CPEB3: variants seen among roughly 807,000 people sequenced by gnomAD.
CPEB3 encodes the protein cytoplasmic polyadenylation element-binding protein 3.
CPEB3 carries 20 observed loss-of-function variants against 67.2 expected under a neutral mutation model. The ratio of observed to expected loss-of-function variants is 0.30; its 90% CI spans 0.21 to 0.43. The LOEUF (loss-of-function observed/expected upper bound fraction) is 0.43. Ranked by LOEUF, CPEB3 falls within the 20% of genes least tolerant of loss-of-function variation. CPEB3 has a pLI of 1.00. For missense variants in CPEB3, 746 were observed against 968.6 expected, an observed-to-expected ratio of 0.77 and a Z score of 3.05; for synonymous variants, 376 against 393.1, an observed-to-expected ratio of 0.96 and a Z score of 0.51.
In CPEB3 at chr10:92,203,341, T is replaced by G. The variant is rs943304670; in HGVS notation, c.1006-10705A>C. Among the ~76,000 whole-genome samples, 9 of 146,326 alleles carry G rather than the reference T, an allele frequency of 6.2e-5. No homozygotes were observed. In the Admixed American group the frequency reaches 6.3e-4, roughly 10 times the overall value. ...TAGGTACAAGACATAAGAGATGATA[T>G]ATATATATATATATGTATATATATG... is the stretch of plus-strand genomic sequence containing the variant. On this transcript the variant is annotated intron_variant, in intron 2 of 9. Coordinates refer to ENST00000265997, the MANE Select transcript of CPEB3 (RefSeq NM_014912.5).
chr10:92,139,866 A>G (rs1846310396), intron 6 of CPEB3, among the ~76,000 whole-genome samples: 1 of 152,078 alleles, frequency 6.6e-6, no homozygotes, highest in Non-Finnish European at 1.5e-5. Context: ...TGAGGTCAGG[A>G]GTTCAAGACC....
intron 1 of CPEB3, among the ~76,000 whole-genome samples, chr10:92,280,338 C>T (rs2135066433): frequency 1.2e-5 from 1 of 85,216 alleles, no homozygotes; most frequent in East Asian, 3.8e-4. Context: ...AGCAAAACTC[C>T]ATCTCAAAAA....
At chr10:92,101,583 T>C (rs532642258) in intron 7 of CPEB3, among the ~76,000 whole-genome samples, 41 of 152,096 alleles carry the variant, frequency 2.7e-4, no homozygotes, top group Non-Finnish European at 5.7e-4. Context: ...CTTCACAAAA[T>C]GACTGGATTG....
chr10:92,089,704 A>G (rs1350658129), intron 8 of CPEB3, among the ~76,000 whole-genome samples: 1 of 152,048 alleles, frequency 6.6e-6, no homozygotes, highest in African/African-American at 2.4e-5. Flanking sequence ...AATCTCTTGA[A>G]CCCGGGAGGT....
At chr10:92,223,712 T>G (rs1486301238) in intron 2 of CPEB3, among the ~76,000 whole-genome samples, 1 of 151,430 alleles carries the variant, frequency 6.6e-6, no homozygotes, top group East Asian at 1.9e-4. Context: ...CAGCTGGGAT[T>G]ACAGGCACCT....
intron 6 of CPEB3, among the ~76,000 whole-genome samples, chr10:92,127,739 G>GC (rs1435206011): frequency 2.6e-5 from 4 of 152,074 alleles, no homozygotes; most frequent in Non-Finnish European, 5.9e-5. Flanking sequence ...AAGTACTAAG[G>GC]CCCCCCAGAG....
At chr10:92,169,108 C>G (rs1847886335) in intron 4 of CPEB3, among the ~76,000 whole-genome samples, 1 of 149,824 alleles carries the variant, frequency 6.7e-6, no homozygotes, top group Admixed American at 6.7e-5. Context: ...AAACCTCTTT[C>G]CTTTATAAAT....
intron 7 of CPEB3, among the ~76,000 whole-genome samples, chr10:92,104,004 T>C (rs1844316558): frequency 6.6e-6 from 1 of 152,238 alleles, no homozygotes; most frequent in African/African-American, 2.4e-5. Context: ...CATGGAATAC[T>C]AATTCCACAG....
intron 1 of CPEB3, among the ~76,000 whole-genome samples, chr10:92,261,201 A>T (rs375899947): frequency 6.6e-6 from 1 of 152,194 alleles, no homozygotes; most frequent in Non-Finnish European, 1.5e-5. Flanking sequence ...TCACAAAGGC[A>T]TTAGACTTTA....
chr10:92,253,726 A>G (rs1184540723), intron 1 of CPEB3, among the ~76,000 whole-genome samples: 1 of 152,134 alleles, frequency 6.6e-6, no homozygotes, highest in Non-Finnish European at 1.5e-5. Context: ...CCTGGGTGAC[A>G]GTGAGACTCT....
In CPEB3 at chr10:92,046,777, G is replaced by A. The variant is rs1852129498; in HGVS notation, c.*5435C>T. On this transcript the variant is annotated 3_prime_UTR_variant, in exon 10 of 10. Coordinates refer to ENST00000265997, the MANE Select transcript of CPEB3 (RefSeq NM_014912.5). The stretch of plus-strand genomic sequence containing the variant: ...AAAGTTTAAGCAGTTGTAAGCAGTA[G>A]CTGCATTGAGCTCCATGTTTAGTCA... The A allele has an allele frequency of 6.6e-6, 1 of 152,204 alleles. No individual in the cohort carries two copies. Among genetic ancestry groups the A allele is most frequent in the South Asian group, 2.1e-4 (1 of 4,832 alleles). The allele number at this position is 152,204 out of a possible 1,614,324, so 9.4% of individuals were successfully genotyped here.
At chr10:92,058,357 C>T (rs1021925783) in intron 9 of CPEB3, among the ~76,000 whole-genome samples, 3 of 151,974 alleles carry the variant, frequency 2.0e-5, no homozygotes, top group Non-Finnish European at 4.4e-5. Context: ...ACTAGCCTGG[C>T]CAACATGGCA....
At chr10:92,188,337 A>C (rs1003444686) in intron 3 of CPEB3, among the ~76,000 whole-genome samples, 3 of 149,108 alleles carry the variant, frequency 2.0e-5, no homozygotes, top group African/African-American at 4.9e-5. Context: ...AAAAAAAAAA[A>C]AAAAAAAAAA....
intron 4 of CPEB3, among the ~76,000 whole-genome samples, chr10:92,147,416 AGTGCACACCAGCCTGG>A: frequency 6.6e-6 from 1 of 152,230 alleles, no homozygotes; most frequent in Non-Finnish European, 1.5e-5. Context: ...AGACCACATC[AGTGCACACCAGCCTGG>A]GTGACAGAGT....
intron 2 of CPEB3, among the ~76,000 whole-genome samples, chr10:92,237,095 A>G (rs144738147): frequency 6.6e-6 from 1 of 152,230 alleles, no homozygotes; most frequent in African/African-American, 2.4e-5. Flanking sequence ...CAATAAATGC[A>G]CATACACAAA....
chr10:92,064,044 A>T (rs1842459437), intron 9 of CPEB3, among the ~76,000 whole-genome samples: 1 of 152,218 alleles, frequency 6.6e-6, no homozygotes, highest in African/African-American at 2.4e-5. Context: ...TGTAAAGAAG[A>T]TGTAGTTAAG....
intron 7 of CPEB3, among the ~76,000 whole-genome samples, chr10:92,104,177 C>CA (rs1844323967): frequency 6.6e-6 from 1 of 152,086 alleles, no homozygotes; most frequent in Non-Finnish European, 1.5e-5. Context: ...AATGGATATA[C>CA]AATGCACAAA....
intron 2 of CPEB3, among the ~76,000 whole-genome samples, chr10:92,204,526 C>T (rs147484868): frequency 5.9e-5 from 9 of 152,236 alleles, no homozygotes; most frequent in Non-Finnish European, 1.2e-4. Flanking sequence ...CTGGAAAGGT[C>T]ACCAATGTAC....
chr10:92,239,318 G>A lies in CPEB3; in HGVS notation c.1005+28C>T, dbSNP rs1851693074. The A allele has an allele frequency of 6.3e-7, 1 of 1,592,582 alleles. No homozygotes were observed. Among genetic ancestry groups the A allele is most frequent in the Non-Finnish European group, 8.6e-7 (1 of 1,169,038 alleles). Reference sequence around the variant, plus strand: ...GGCAAAAGGAGCGGGGCAGAGGGAAGGAGTGTGTAGGTGCAGCAGAGTATT... The same window carrying A: ...GGCAAAAGGAGCGGGGCAGAGGGAAAGAGTGTGTAGGTGCAGCAGAGTATT... On this transcript the variant is annotated intron_variant, in intron 2 of 9. Coordinates refer to ENST00000265997, the MANE Select transcript of CPEB3 (RefSeq NM_014912.5). This position sits in a 1 kb window ranked among gnomAD's most constrained non-coding sequence, Gnocchi z 6.0.
Sources: gnomAD v4.1 joint callset for allele counts (sites outside exome capture counted in the v4.1 genomes callset) on GRCh38, gnomAD v4.1.1 for gene constraint, Gnocchi (gnomAD v3.1) non-coding constraint, MANE v1.5 for transcripts, NCBI Gene and HGNC (gene_info 2026-07-23, HGNC 2026-07-21) for gene names.